DAB1: variants seen among roughly 807,000 people sequenced by gnomAD.
DAB1 encodes the protein DAB adaptor protein 1, also known as disabled homolog 1.
In DAB1, 15 loss-of-function variants were observed where a neutral mutation model predicts 64.6. The observed-to-expected ratio is 0.23, with a 90% CI of 0.16 to 0.36. The LOEUF is 0.36. DAB1 is among the 10% of genes least tolerant of loss of function. The pLI, the probability that DAB1 is intolerant of heterozygous loss-of-function variation, is 1.00. For synonymous variants in DAB1, 235 were observed against 251.9 expected, an observed-to-expected ratio of 0.93 and a Z score of 0.64; for missense variants, 596 against 706.7, an observed-to-expected ratio of 0.84 and a Z score of 1.78.
intron 7 of DAB1, among the ~76,000 whole-genome samples, chr1:57,570,080 G>A (rs981796653): frequency 6.6e-6 from 1 of 152,154 alleles, no homozygotes; most frequent in African/African-American, 2.4e-5. Flanking sequence ...GGGTGTATCT[G>A]TGAGGGTGTT....
intron 5 of DAB1, among the ~76,000 whole-genome samples, chr1:58,066,182 G>A (rs904956531): frequency 6.6e-6 from 1 of 152,186 alleles, no homozygotes; most frequent in African/African-American, 2.4e-5. Flanking sequence ...ATCTCTTCCA[G>A]GAGTGGACAA....
At chr1:57,783,110 T>C (rs890615403) in intron 6 of DAB1, among the ~76,000 whole-genome samples, 5 of 142,622 alleles carry the variant, frequency 3.5e-5, no homozygotes, top group Admixed American at 7.0e-5. Context: ...TCTTTTCTTT[T>C]TTTTTTTTTT....
chr1:57,244,911 G>A (rs1668750030), intron 2 of DAB1, among the ~76,000 whole-genome samples: 1 of 152,194 alleles, frequency 6.6e-6, no homozygotes, highest in Non-Finnish European at 1.5e-5. Flanking sequence ...ATGTCGAATT[G>A]TAATCCCCAT....
chr1:58,045,188 C>G (rs576724058), intron 5 of DAB1, among the ~76,000 whole-genome samples: 18 of 152,304 alleles, frequency 1.2e-4, no homozygotes, highest in African/African-American at 3.9e-4. Flanking sequence ...GGCCGGCCGA[C>G]AGCACTGCAA....
chr1:57,356,727 A>C (rs1325416239), intron 1 of DAB1, among the ~76,000 whole-genome samples: 1 of 152,126 alleles, frequency 6.6e-6, no homozygotes, highest in East Asian at 1.9e-4. Context: ...AGCTGTGGCC[A>C]AATGAAGGTC....
intron 4 of DAB1, among the ~76,000 whole-genome samples, chr1:58,314,423 C>T (rs895444944): frequency 7.2e-5 from 11 of 152,140 alleles, no homozygotes; most frequent in Non-Finnish European, 1.3e-4. Context: ...TCCTGAAACT[C>T]TTTTGGATTC....
chr1:57,525,568 A>G (rs1438316249), intron 7 of DAB1, among the ~76,000 whole-genome samples: 1 of 152,220 alleles, frequency 6.6e-6, no homozygotes, highest in Non-Finnish European at 1.5e-5. Flanking sequence ...ATAGTAAGGT[A>G]AAACTGACTA....
chr1:58,028,491 T>A (rs894331293), intron 5 of DAB1, among the ~76,000 whole-genome samples: 3 of 152,186 alleles, frequency 2.0e-5, no homozygotes, highest in Non-Finnish European at 4.4e-5. Flanking sequence ...TTCAGTACTA[T>A]GTCTAGCGGC....
At chr1:57,431,784 T>C (rs1331005883) in intron 7 of DAB1, among the ~76,000 whole-genome samples, 1 of 151,924 alleles carries the variant, frequency 6.6e-6, no homozygotes, top group Non-Finnish European at 1.5e-5. Context: ...AAAGTGGAGC[T>C]TAAGGTGATA....
chr1:57,512,374 A>G (rs187202490), intron 7 of DAB1, among the ~76,000 whole-genome samples: 196 of 152,304 alleles, frequency 1.3e-3, no homozygotes, highest in African/African-American at 4.5e-3. Context: ...CACTTTATAA[A>G]CCTATTAATA....
intron 5 of DAB1, among the ~76,000 whole-genome samples, chr1:58,091,186 C>T (rs565329227): frequency 9.2e-5 from 14 of 152,302 alleles, no homozygotes; most frequent in Admixed American, 9.2e-4. Context: ...CTCTTTCCTT[C>T]CTCTTCCAAT....
intron 4 of DAB1, among the ~76,000 whole-genome samples, chr1:58,276,561 G>A (rs1661449570): frequency 6.6e-6 from 1 of 152,142 alleles, no homozygotes; most frequent in Admixed American, 6.5e-5. Context: ...TAAGGACCTG[G>A]AAGAAAAGGT....
chr1:58,041,668 C>T (rs1266134233), intron 5 of DAB1, among the ~76,000 whole-genome samples: 1 of 152,216 alleles, frequency 6.6e-6, no homozygotes, highest in African/African-American at 2.4e-5. Context: ...CGCTACCACA[C>T]ACCACCCTCA....
intron 6 of DAB1, among the ~76,000 whole-genome samples, chr1:57,811,542 C>G (rs1309187540): frequency 1.3e-5 from 2 of 152,180 alleles, no homozygotes; most frequent in African/African-American, 2.4e-5. Context: ...AACCATGAAC[C>G]AATTAAATCT....
At chr1:58,300,640 G>C (rs1214089060) in intron 4 of DAB1, among the ~76,000 whole-genome samples, 25 of 57,414 alleles carry the variant, frequency 4.4e-4, no homozygotes, top group African/African-American at 1.6e-3. Flanking sequence ...GAGAGAGAGA[G>C]AGAGAGAGGA....
intron 4 of DAB1, among the ~76,000 whole-genome samples, chr1:58,286,379 A>G (rs1385662264): frequency 1.3e-5 from 2 of 152,224 alleles, no homozygotes; most frequent in African/African-American, 2.4e-5. Context: ...TGAACAGACA[A>G]CCTACCAAAT....
At chr1:57,533,942 C>T (rs1644695465) in intron 7 of DAB1, among the ~76,000 whole-genome samples, 1 of 152,078 alleles carries the variant, frequency 6.6e-6, no homozygotes, top group African/African-American at 2.4e-5. Context: ...ATTGTAAATA[C>T]TGAAGACACT....
chr1:57,961,629 C>A (rs891732116), intron 5 of DAB1, among the ~76,000 whole-genome samples: 2 of 152,170 alleles, frequency 1.3e-5, no homozygotes, highest in African/African-American at 4.8e-5. Context: ...GACCCAAATT[C>A]TTTTTTCTAA....
intron 6 of DAB1, among the ~76,000 whole-genome samples, chr1:57,766,945 C>A (rs1252514869): frequency 1.3e-5 from 2 of 152,096 alleles, no homozygotes; most frequent in Non-Finnish European, 2.9e-5. Flanking sequence ...ATAAATGATA[C>A]AACTTAGGAA....
Sources: allele counts gnomAD v4.1 joint callset (sites outside exome capture counted in the v4.1 genomes callset), GRCh38; gene constraint gnomAD v4.1.1; transcripts MANE v1.5; gene names NCBI Gene and HGNC (gene_info 2026-07-23, HGNC 2026-07-21).